C14orf180: variants seen among roughly 807,000 people sequenced by gnomAD.
C14orf180 encodes the protein nutritionally-regulated adipose and cardiac enriched protein homolog.
In C14orf180, 13 loss-of-function variants were observed where a neutral mutation model predicts 13.9. The ratio of observed to expected loss-of-function variants is 0.94; its 90% confidence interval spans 0.61 to 1.49. C14orf180 has a LOEUF of 1.49. Ranked by LOEUF, C14orf180 falls within the 40% of genes most tolerant of loss-of-function variation. The pLI, the probability that C14orf180 is intolerant of heterozygous loss-of-function variation, is 0.00. For synonymous variants in C14orf180, 113 were observed against 106.3 expected (o/e 1.06, Z -0.39); for missense variants, 238 against 232.0 (o/e 1.03, Z -0.17).
At chr14:104,583,571 C>G (rs1268786946) in intron 1 of C14orf180, among the ~76,000 whole-genome samples, 1 of 152,246 alleles carries the variant, frequency 6.6e-6, no homozygotes, top group South Asian at 2.1e-4. Flanking sequence ...CGTGGTCACA[C>G]AAGGTGCTCT....
At chr14:104,583,038 C>A (rs914878458) in intron 1 of C14orf180, among the ~76,000 whole-genome samples, 1 of 152,234 alleles carries the variant, frequency 6.6e-6, no homozygotes, top group Admixed American at 6.5e-5. Context: ...CCAGACCTCT[C>A]TTCCAGAAGG....
chr14:104,586,294 C>A, intron 1 of C14orf180, 121 bp from the exon 2 acceptor site: 1 of 590,178 alleles, frequency 1.7e-6, no homozygotes, highest in South Asian at 2.6e-5. Context: ...AACAGCGTGG[C>A]CGGTCGCAAG....
At chr14:104,588,099 C>T (rs909862607) in intron 3 of C14orf180, among the ~76,000 whole-genome samples, 175 bp from the exon 4 acceptor site, 3 of 152,202 alleles carry the variant, frequency 2.0e-5, no homozygotes, top group African/African-American at 4.8e-5. Context: ...AACATGAGGG[C>T]GGATTCTCAA....
intron 1 of C14orf180, among the ~76,000 whole-genome samples, chr14:104,585,348 C>T (rs573484504): frequency 6.6e-6 from 1 of 152,314 alleles, no homozygotes; most frequent in African/African-American, 2.4e-5. Context: ...GAGGCAGGCT[C>T]ATCACCCCCA....
In C14orf180 at chr14:104,588,291, G is replaced by A. The variant is rs373864612; in HGVS notation, c.259G>A (p.Ala87Thr). ...VTVHYIADKN[A>T]TATVRVPGRP... ...TTTCGCAGACATTGCTGACAAGAACGCCACAGCCACTGTCAGGGGTGAGTT... is the reference window on the plus strand; with the variant it reads ...TTTCGCAGACATTGCTGACAAGAACACCACAGCCACTGTCAGGGGTGAGTT... Residue 87 changes from alanine to threonine, a missense_variant, in exon 4 of 5, where the codon GCC becomes ACC. By Grantham distance (58) the Ala-to-Thr change is moderately conservative (BLOSUM62 0). Transcript: ENST00000557649. 34 of 1,613,776 alleles carry A rather than the reference G, an allele frequency of 2.1e-5. No homozygotes were observed. The East Asian group carries it at 2.2e-4, about 11-fold the overall frequency.
chr14:104,582,154 G>A (rs533014119), intron 1 of C14orf180, among the ~76,000 whole-genome samples: 1 of 152,304 alleles, frequency 6.6e-6, no homozygotes, highest in South Asian at 2.1e-4. Context: ...CAAAAGGGCG[G>A]GCGGCACGGG....
intron 1 of C14orf180, chr14:104,581,687 G>T: frequency 6.6e-6 from 1 of 152,420 alleles, no homozygotes; most frequent in Non-Finnish European, 1.5e-5. Flanking sequence ...GTGTGTGTAA[G>T]TGGTGGGGGT....
chr14:104,586,377 G>A, intron 1 of C14orf180, 38 bp from the exon 2 acceptor site: 1 of 1,267,952 alleles, frequency 7.9e-7, no homozygotes, highest in Non-Finnish European at 1.1e-6. Context: ...AGTGCCACTT[G>A]TGCAGTAAAT....
intron 1 of C14orf180, among the ~76,000 whole-genome samples, chr14:104,585,620 G>A (rs1189044635): frequency 1.3e-5 from 2 of 152,252 alleles, no homozygotes; most frequent in East Asian, 1.9e-4. Context: ...CAGAGATAGA[G>A]GTAGAGAGAT....
chr14:104,588,000 T>A lies in C14orf180; in HGVS notation c.241+122T>A, dbSNP rs1886694362. ...AGGACATGGGGGGGCCGTGGCCACC[T>A]GCCTTCAGTGCCACAACCCCTGTAA... On this transcript the variant is annotated intron_variant, in intron 3 of 4. Transcript: ENST00000557649. The A allele has an allele frequency of 1.1e-5, 14 of 1,256,828 alleles. 1 individual carries two copies. In the South Asian group the frequency reaches 2.1e-4, roughly 19 times the overall value. The allele number at this position is 1,256,828 out of a possible 1,614,324, so 77.9% of individuals were successfully genotyped here.
At position 104,588,655 on chromosome 14, in the gene C14orf180, G is replaced by A. The variant is rs1178659118; in HGVS notation, c.355G>A (p.Gly119Ser). The change falls in exon 5 of 5, where the codon GGC (glycine) becomes AGC (serine). Residue 119 changes from glycine to serine, a missense_variant. By Grantham distance (56) the Gly-to-Ser change is moderately conservative (BLOSUM62 0). Transcript: ENST00000557649. Reference protein sequence around the residue: ...CVCVLLVLALGLYCGRAKPVA... With the variant: ...CVCVLLVLALSLYCGRAKPVA... ...GTGCGTCCTGCTCGTGCTGGCCCTG[G>A]GCCTATACTGCGGCCGGGCCAAGCC... 2 of 1,533,482 alleles carry A rather than the reference G, an allele frequency of 1.3e-6. No homozygotes were observed. The highest frequency in any genetic ancestry group is 1.7e-6 in the Non-Finnish European group (2 of 1,145,176). 95.0% of individuals were successfully genotyped at this position (1,533,482 alleles called of 1,614,324 possible).
chr14:104,589,030 T>G lies in C14orf180; in HGVS notation c.*247T>G. 1 of 735,452 alleles carries G rather than the reference T, an allele frequency of 1.4e-6. No homozygotes were observed. Among genetic ancestry groups the G allele is most frequent in the Non-Finnish European group, 2.1e-6 (1 of 483,740 alleles). The allele number at this position is 735,452 out of a possible 1,614,324, so 45.6% of individuals were successfully genotyped here. On this transcript the variant is annotated 3_prime_UTR_variant, in exon 5 of 5. Transcript: ENST00000557649. The surrounding 1 kb of genome is among the most constrained non-coding windows in gnomAD (Gnocchi z 4.9). ...CTCCTGTGTTGGGTCCATGTGAGAT[T>G]TTATTAGAAAGAGGATTCGACTGCT... is the stretch of plus-strand genomic sequence containing the variant.
In C14orf180 at chr14:104,589,276, G is replaced by T. The variant is rs186265404; in HGVS notation, c.*493G>T. 5.4e-5 allele frequency: 10 copies of T among 186,130 alleles called. No individual in the cohort carries two copies. The highest frequency in any genetic ancestry group is 1.4e-4 in the African/African-American group (6 of 42,692). 11.5% of individuals were successfully genotyped at this position (186,130 alleles called of 1,614,324 possible). ...CTCGAAACCCCACGGGGAGGGAAGGGTCTGGTTGTCAAGGTGGGTCCCTTT... is the reference window on the plus strand; with the variant it reads ...CTCGAAACCCCACGGGGAGGGAAGGTTCTGGTTGTCAAGGTGGGTCCCTTT... On this transcript the variant is annotated 3_prime_UTR_variant, in exon 5 of 5. Coordinates refer to ENST00000557649, the MANE Select transcript of C14orf180 (RefSeq NM_001008404.3). This position sits in a 1 kb window ranked among gnomAD's most constrained non-coding sequence, Gnocchi z 4.9.
chr14:104,587,888 C>T lies in C14orf180; in HGVS notation c.241+10C>T. 1.3e-6 allele frequency: 2 copies of T among 1,597,222 alleles called. No individual in the cohort carries two copies. Among genetic ancestry groups the T allele is most frequent in the Non-Finnish European group, 1.7e-6 (2 of 1,170,492 alleles). On this transcript the variant is annotated intron_variant, in intron 3 of 4. Coordinates refer to ENST00000557649, the MANE Select transcript of C14orf180 (RefSeq NM_001008404.3). ...GCGGTGACCGTCCACTGTAAGAGGG[C>T]ACCCGCAGCAAGCAGCTGGGAGAGG... is the stretch of plus-strand genomic sequence containing the variant.
intron 1 of C14orf180, among the ~76,000 whole-genome samples, chr14:104,582,643 G>A (rs572352777): frequency 2.6e-5 from 4 of 152,226 alleles, no homozygotes; most frequent in East Asian, 1.9e-4. Context: ...TTTCCCCTCC[G>A]CCAGGGAGCT....
intron 2 of C14orf180, among the ~76,000 whole-genome samples, chr14:104,587,420 CT>C (rs113618011): frequency 0.019 from 2,959 of 152,276 alleles, 116 homozygotes; most frequent in African/African-American, 0.068. Context: ...CCCCCTCCCC[CT>C]GTCCACATGT....
chr14:104,582,403 G>A (rs745608837), intron 1 of C14orf180, among the ~76,000 whole-genome samples: 4 of 152,208 alleles, frequency 2.6e-5, no homozygotes, highest in African/African-American at 4.8e-5. Context: ...ACGTCTCTCA[G>A]CAGCTTCAAG....
chr14:104,584,125 G>T (rs1204187997), intron 1 of C14orf180, among the ~76,000 whole-genome samples: 1 of 152,226 alleles, frequency 6.6e-6, no homozygotes, highest in Non-Finnish European at 1.5e-5. Flanking sequence ...GGCAGGAGCT[G>T]GGGGAGACTG....
intron 3 of C14orf180, 129 bp from the exon 4 acceptor site, chr14:104,588,145 G>C: frequency 8.6e-7 from 1 of 1,167,772 alleles, no homozygotes; most frequent in Non-Finnish European, 1.3e-6. Flanking sequence ...GTCAGGACCG[G>C]CTGGGCCTGG....
Sources: gnomAD v4.1 joint callset for allele counts (sites outside exome capture counted in the v4.1 genomes callset) on GRCh38, gnomAD v4.1.1 for gene constraint, Gnocchi (gnomAD v3.1) non-coding constraint, MANE v1.5 for transcripts, NCBI Gene and HGNC (gene_info 2026-07-23, HGNC 2026-07-21) for gene names.